ABLIM1: variants seen among roughly 807,000 people sequenced by gnomAD.
The protein encoded by ABLIM1 is actin binding LIM protein 1, also known as actin-binding LIM protein 1.
ABLIM1 carries 40 observed loss-of-function variants against 107.0 expected under a neutral mutation model. The observed-to-expected ratio is 0.37, with a 90% CI of 0.29 to 0.49. The LOEUF is 0.49. Among genes scored for constraint, ABLIM1 ranks in the 20% least tolerant of loss-of-function variants. ABLIM1 has a pLI of 0.97. For synonymous variants in ABLIM1, 357 were observed against 357.3 expected (o/e 1.00, Z 0.01); for missense variants, 857 against 1,008.5 (o/e 0.85, Z 2.04).
the ABLIM1 span, chr10:114,778,347 G>C: frequency 6.6e-6 from 1 of 152,212 alleles, no homozygotes; most frequent in East Asian, 1.9e-4. Flanking sequence ...ATGGGTGACA[G>C]AGTGAAATGC....
At position 114,541,503 on chromosome 10, in the gene ABLIM1, C is replaced by T. The variant is rs921354498; in HGVS notation, c.894+3502G>A. Among the ~76,000 whole-genome samples, 6 of 151,890 alleles carry T rather than the reference C, an allele frequency of 4.0e-5. No individual in the cohort carries two copies. The East Asian group carries it at 7.8e-4, about 20-fold the overall frequency. ...GGCCGAGGGAGGAGTGTGTGGAGAC[C>T]GTCCTGCTTTGTGTTGGTAACCAAG... On this transcript the variant is annotated intron_variant, in intron 6 of 22. Coordinates refer to ENST00000533213, the MANE Select transcript of ABLIM1 (RefSeq NM_002313.7).
At chr10:114,662,978 A>T (rs1438815460), upstream of ABLIM1, among the ~76,000 whole-genome samples, 1 of 152,186 alleles carries the variant, frequency 6.6e-6, no homozygotes, top group Non-Finnish European at 1.5e-5. Context: ...CAAACTCCAT[A>T]TGTTAGACAA....
At chr10:114,685,901 G>GGA (rs2080923186), upstream of ABLIM1, among the ~76,000 whole-genome samples, 2 of 152,136 alleles carry the variant, frequency 1.3e-5, no homozygotes, top group African/African-American at 4.8e-5. Context: ...AAAATGTAAT[G>GGA]GAGGCTAGTT....
Position 114,436,311 on chromosome 10 carries a change from C to A in ABLIM1, c.2286G>T (p.Arg762Ser), listed in dbSNP as rs148102917. 40 of 1,613,834 alleles carry A rather than the reference C, an allele frequency of 2.5e-5. No individual in the cohort carries two copies. Among genetic ancestry groups the A allele is most frequent in the Admixed American group, 3.3e-5 (2 of 59,990 alleles). ...TGTCGTTGCGTCTCCAAAGAGGTAA[C>A]CTGTCAAACTCCTGTATGGACATTC... ...IFGMSIQEFD[R>S]LPLWRRNDMK... The change falls in exon 23 of 23, where the codon AGG becomes AGT. Residue 762 changes from arginine (R) to serine (S), a missense_variant. Physicochemically the swap from Arg to Ser is moderately radical, Grantham distance 110. This residue lies in a region of ABLIM1 where 193 missense variants were observed against 208.5 expected (regional missense o/e 0.93). Transcript: ENST00000533213.
At chr10:114,620,164 T>A (rs774184189) in intron 1 of ABLIM1, among the ~76,000 whole-genome samples, 1 of 152,192 alleles carries the variant, frequency 6.6e-6, no homozygotes, top group African/African-American at 2.4e-5. Flanking sequence ...TAAAATAAGT[T>A]TAATGGATCA....
intron 19 of ABLIM1, 138 bp downstream of exon 19, chr10:114,440,879 T>C (rs2060092743): frequency 1.2e-6 from 1 of 859,306 alleles, no homozygotes; most frequent in Non-Finnish European, 1.9e-6. Flanking sequence ...ATAATTGCCC[T>C]ATTAGCTCAC....
intron 1 of ABLIM1, among the ~76,000 whole-genome samples, chr10:114,649,131 C>T (rs76070388): frequency 0.021 from 3,209 of 152,140 alleles, 98 homozygotes; most frequent in African/African-American, 0.073. Context: ...GGCACGGTGG[C>T]TCACACCTAT....
At position 114,707,705 on chromosome 10, in the gene ABLIM1, A is replaced by G. The variant is rs558182910; in HGVS notation, c.-213+60356T>C. Among the ~76,000 whole-genome samples, 1 of 152,116 alleles carries G rather than the reference A, an allele frequency of 6.6e-6. No individual in the cohort carries two copies. The highest frequency in any genetic ancestry group is 1.5e-5 in the Non-Finnish European group (1 of 68,000). On this transcript the variant is annotated intron_variant, in intron 1 of 15. Transcript: ENST00000651092. This position sits in a 1 kb window ranked among gnomAD's most constrained non-coding sequence, Gnocchi z 4.1. ...ACTTAAGGCCAGGAGTTCGAGACCA[A>G]CCTGGACAACATGGTGAAAACACGG...
chr10:114,468,154 A>C, intron 11 of ABLIM1, 27 bp downstream of exon 11: 1 of 1,603,568 alleles, frequency 6.2e-7, no homozygotes, highest in Non-Finnish European at 8.5e-7. Context: ...TCCACCCATT[A>C]AAATGATAAA....
At chr10:114,491,905 G>C (rs546438011) in intron 6 of ABLIM1, 27 bp from the exon 7 acceptor site, 18 of 1,550,882 alleles carry the variant, frequency 1.2e-5, no homozygotes, top group Non-Finnish European at 1.5e-5. Flanking sequence ...AGGGAACGTT[G>C]AGTCTGCTCC....
rs199573285 is a variant in ABLIM1, at chr10:114,461,071, G to GTT, written c.1441+4625_1441+4626dup. On this transcript the variant is annotated intron_variant, in intron 12 of 22. Transcript: ENST00000533213. The stretch of plus-strand genomic sequence containing the variant: ...CCAAAATCTTTGTTTTCTTTCTTTT[G>GTT]TTTTTTTTTTGAGACAGGGTTTTGC... 4.7e-3 allele frequency among the ~76,000 whole-genome samples: 695 copies of GTT among 147,128 alleles called. 4 individuals carry two copies. Among genetic ancestry groups the GTT allele is most frequent in the Middle Eastern group, 6.9e-3 (2 of 290 alleles).
At chr10:114,616,524 A>G (rs2077141064) in intron 1 of ABLIM1, among the ~76,000 whole-genome samples, 1 of 152,242 alleles carries the variant, frequency 6.6e-6, no homozygotes, top group Admixed American at 6.5e-5. Context: ...TGAACAGTAG[A>G]GCTTACTGGC....
intron 1 of ABLIM1, among the ~76,000 whole-genome samples, chr10:114,675,451 T>A (rs11196859): frequency 0.2 from 30,164 of 152,126 alleles, 3,240 homozygotes; most frequent in African/African-American, 0.28. Flanking sequence ...CTTGCCTGCC[T>A]CCATGTAAGA....
At chr10:114,470,517 A>C (rs2066296346) in intron 10 of ABLIM1, among the ~76,000 whole-genome samples, 1 of 151,984 alleles carries the variant, frequency 6.6e-6, no homozygotes, top group South Asian at 2.1e-4. Flanking sequence ...CAGCTTGTAA[A>C]TTTCTCTCAG....
intron 1 of ABLIM1, among the ~76,000 whole-genome samples, chr10:114,745,330 G>A (rs1231758751): frequency 6.6e-6 from 1 of 152,230 alleles, no homozygotes; most frequent in Non-Finnish European, 1.5e-5. Context: ...GGAGGCCAAG[G>A]CGGGCAGATC....
intron 4 of ABLIM1, among the ~76,000 whole-genome samples, chr10:114,554,241 G>A (rs1466241436): frequency 6.6e-6 from 1 of 152,178 alleles, no homozygotes; most frequent in Non-Finnish European, 1.5e-5. Context: ...AACCCTGAAG[G>A]ACAGAAAGGA....
intron 1 of ABLIM1, among the ~76,000 whole-genome samples, chr10:114,763,242 T>A (rs888136756): frequency 3.3e-5 from 5 of 152,242 alleles, no homozygotes; most frequent in Non-Finnish European, 7.3e-5. Context: ...TGCCATTAAT[T>A]CTGAGGTTTT....
intron 2 of ABLIM1, among the ~76,000 whole-genome samples, chr10:114,587,715 T>C (rs1199361888): frequency 2.0e-5 from 3 of 152,270 alleles, no homozygotes; most frequent in African/African-American, 7.2e-5. Context: ...CACCTGACTA[T>C]GCCTACCATG....
intron 6 of ABLIM1, among the ~76,000 whole-genome samples, chr10:114,510,095 T>C (rs746004300): frequency 2.0e-5 from 3 of 152,190 alleles, no homozygotes; most frequent in Non-Finnish European, 4.4e-5. Context: ...GTGGGAATTA[T>C]GGGAGCTACA....
Sources: allele counts gnomAD v4.1 joint callset (sites outside exome capture counted in the v4.1 genomes callset), GRCh38; gene constraint gnomAD v4.1.1; regional missense constraint gnomAD v4.1.1; non-coding constraint Gnocchi (gnomAD v3.1); transcripts MANE v1.5; gene names NCBI Gene and HGNC (gene_info 2026-07-23, HGNC 2026-07-21).